BICC1: variants seen among roughly 807,000 people sequenced by gnomAD.
The protein encoded by BICC1 is protein bicaudal C homolog 1.
In BICC1, 43 loss-of-function variants were observed where a neutral mutation model predicts 111.0. The ratio of observed to expected loss-of-function variants is 0.39; its 90% CI spans 0.30 to 0.50. BICC1 has a LOEUF of 0.50. BICC1 is among the 20% of genes least tolerant of loss of function. The pLI is 0.88. For synonymous variants in BICC1, 467 were observed against 434.4 expected, an observed-to-expected ratio of 1.07 and a Z score of -0.93; for missense variants, 1,091 against 1,203.2, an observed-to-expected ratio of 0.91 and a Z score of 1.38.
At chr10:58,633,977 CTTTTTTTTTTTTCTTTTCT>C (rs1186288733) in intron 2 of BICC1, among the ~76,000 whole-genome samples, 6 of 138,170 alleles carry the variant, frequency 4.3e-5, no homozygotes, top group African/African-American at 8.1e-5. Context: ...TTTTCTTTTT[CTTTTTTTTTTTTCTTTTCT>C]TTTTTTTTTT....
intron 2 of BICC1, among the ~76,000 whole-genome samples, chr10:58,694,257 C>T (rs930750374): frequency 7.9e-5 from 12 of 152,116 alleles, no homozygotes; most frequent in Non-Finnish European, 1.3e-4. Flanking sequence ...TAAAATGCCA[C>T]GTGGTTTTAT....
chr10:58,714,241 G>T (rs537532964), intron 3 of BICC1, among the ~76,000 whole-genome samples: 12 of 152,304 alleles, frequency 7.9e-5, no homozygotes, highest in Admixed American at 6.5e-4. Flanking sequence ...AACATTTCAT[G>T]CAGCCTGGTG....
chr10:58,817,243 C>G (rs1844121974), intron 18 of BICC1, among the ~76,000 whole-genome samples: 3 of 152,072 alleles, frequency 2.0e-5, no homozygotes, highest in African/African-American at 4.8e-5. Flanking sequence ...TAATTCACAT[C>G]CAATCAATTT....
At chr10:58,555,305 C>CTTTTTTTTTTTTTTTTTTTTTTTT (rs1564485963) in intron 1 of BICC1, among the ~76,000 whole-genome samples, 1 of 93,828 alleles carries the variant, frequency 1.1e-5, no homozygotes, top group African/African-American at 4.4e-5. Flanking sequence ...GGCTGTTGGA[C>CTTTTTTTTTTTTTTTTTTTTTTTT]ATTTTTTTTT....
chr10:58,586,563 G>A (rs1403643527), intron 1 of BICC1, among the ~76,000 whole-genome samples: 1 of 150,938 alleles, frequency 6.6e-6, no homozygotes, highest in Non-Finnish European at 1.5e-5. Context: ...TGCAGTGAGC[G>A]GAGATTGTGC....
chr10:58,720,741 C>T (rs564933459), intron 3 of BICC1, among the ~76,000 whole-genome samples: 1 of 152,126 alleles, frequency 6.6e-6, no homozygotes, highest in African/African-American at 2.4e-5. Context: ...GTGAAAATCC[C>T]GGGGTTCGGG....
At chr10:58,634,202 A>C (rs1386030318) in intron 2 of BICC1, among the ~76,000 whole-genome samples, 1 of 151,954 alleles carries the variant, frequency 6.6e-6, no homozygotes, top group Admixed American at 6.6e-5. Context: ...TATGTTAGCC[A>C]GACTGTTCTC....
intron 2 of BICC1, among the ~76,000 whole-genome samples, chr10:58,621,919 T>C (rs562274466): frequency 0.48 from 37,385 of 77,760 alleles, 10,581 homozygotes; most frequent in African/African-American, 0.55. Flanking sequence ...TAGAATAGAA[T>C]AGAATAGAAT....
chr10:58,595,644 T>C (rs545881462), intron 1 of BICC1, among the ~76,000 whole-genome samples: 11 of 152,204 alleles, frequency 7.2e-5, no homozygotes, highest in African/African-American at 2.4e-4. Context: ...TAGGCAGAAA[T>C]AAAGATGTTC....
chr10:58,588,295 A>G (rs1319552459), intron 1 of BICC1, among the ~76,000 whole-genome samples: 1 of 152,202 alleles, frequency 6.6e-6, no homozygotes, highest in Non-Finnish European at 1.5e-5. Flanking sequence ...ACATTTGGGG[A>G]CAAACACAGT....
Position 58,767,430 on chromosome 10 carries a change from A to C in BICC1, c.308-17571A>C, listed in dbSNP as rs78742096. On this transcript the variant is annotated intron_variant, in intron 3 of 20. Transcript: ENST00000373886. ...TTCTAGCCAGGCTGACTGGTGAAGG[A>C]GTTCCTCTCCCCAAAGCTAGTCAGT... 6.5e-3 allele frequency among the ~76,000 whole-genome samples: 989 copies of C among 152,242 alleles called. 12 individuals carry two copies. Among genetic ancestry groups the C allele is most frequent in the African/African-American group, 0.023 (936 of 41,526 alleles).
chr10:58,597,251 C>T (rs1193617090), intron 1 of BICC1, among the ~76,000 whole-genome samples: 1 of 152,034 alleles, frequency 6.6e-6, no homozygotes, highest in East Asian at 1.9e-4. Context: ...AGTCTCAGAC[C>T]AGCAAGTTTT....
At chr10:58,682,438 G>C (rs1471349671) in intron 2 of BICC1, among the ~76,000 whole-genome samples, 2 of 152,060 alleles carry the variant, frequency 1.3e-5, no homozygotes, top group African/African-American at 4.8e-5. Flanking sequence ...TTGAGGAATT[G>C]CCACACTGTC....
intron 3 of BICC1, among the ~76,000 whole-genome samples, chr10:58,755,960 T>C (rs1479093950): frequency 6.6e-6 from 1 of 152,212 alleles, no homozygotes; most frequent in Non-Finnish European, 1.5e-5. Context: ...CTGCGTGTTC[T>C]ATGTCTGTTT....
intron 2 of BICC1, among the ~76,000 whole-genome samples, chr10:58,676,474 G>A (rs536516080): frequency 3.0e-4 from 45 of 152,280 alleles, no homozygotes; most frequent in African/African-American, 9.4e-4. Flanking sequence ...CTTACGCAAA[G>A]CTTCTGTAGC....
chr10:58,632,861 G>GGATAGATA lies in BICC1; in HGVS notation c.237+11977_237+11984dup, dbSNP rs80252372. ...GTTTTACATAGATAGATAGATAGAT[G>GGATAGATA]GATAGATAGATAGATAGATAGATAT... On this transcript the variant is annotated intron_variant, in intron 2 of 20. Transcript: ENST00000373886. 7.2e-3 allele frequency among the ~76,000 whole-genome samples: 1,081 copies of GGATAGATA among 150,814 alleles called. 4 individuals carry two copies. The highest frequency in any genetic ancestry group is 0.01 in the Middle Eastern group (3 of 294).
intron 1 of BICC1, among the ~76,000 whole-genome samples, chr10:58,607,415 A>G (rs1483179517): frequency 2.0e-5 from 3 of 151,830 alleles, no homozygotes; most frequent in African/African-American, 7.3e-5. Flanking sequence ...TATCAATTGT[A>G]AGTTAAAAAA....
chr10:58,518,073 A>AT (rs1842290292), intron 1 of BICC1, among the ~76,000 whole-genome samples: 1 of 152,180 alleles, frequency 6.6e-6, no homozygotes, highest in Non-Finnish European at 1.5e-5. Context: ...GTAAAGCTCC[A>AT]TTAGACATGA....
intron 1 of BICC1, among the ~76,000 whole-genome samples, chr10:58,558,583 G>C (rs926342344): frequency 2.0e-5 from 3 of 152,038 alleles, no homozygotes; most frequent in African/African-American, 7.2e-5. Flanking sequence ...GGGTAAATCA[G>C]GTCCCATTTT....
Sources: allele counts gnomAD v4.1 joint callset (sites outside exome capture counted in the v4.1 genomes callset), GRCh38; gene constraint gnomAD v4.1.1; transcripts MANE v1.5; gene names NCBI Gene and HGNC (gene_info 2026-07-23, HGNC 2026-07-21).